PPFIA2: variants seen among roughly 807,000 people sequenced by gnomAD.
The protein encoded by PPFIA2 is PPFI scaffold protein A2.
PPFIA2 carries 46 observed loss-of-function variants against 175.5 expected under a neutral mutation model. The observed-to-expected ratio is 0.26, with a 90% CI of 0.21 to 0.34. The LOEUF (loss-of-function observed/expected upper bound fraction) is 0.34, where lower values mean the gene tolerates loss of function less well. Among genes scored for constraint, PPFIA2 ranks in the 10% least tolerant of loss-of-function variants. The pLI is 1.00. For missense variants in PPFIA2, 1,179 were observed against 1,506.1 expected (o/e 0.78, Z 3.60); for synonymous variants, 568 against 511.4 (o/e 1.11, Z -1.49).
At chr12:81,494,502 T>TA (rs1437254443) in intron 4 of PPFIA2, among the ~76,000 whole-genome samples, 2 of 151,942 alleles carry the variant, frequency 1.3e-5, no homozygotes, top group African/African-American at 2.4e-5. Flanking sequence ...GGTGGGACTG[T>TA]AAACTAGTTC....
chr12:81,628,718 A>G (rs1042410881), intron 4 of PPFIA2, among the ~76,000 whole-genome samples: 1 of 152,330 alleles, frequency 6.6e-6, no homozygotes, highest in Middle Eastern at 3.4e-3. Context: ...CTAGTTAGCA[A>G]GAACTGATTA....
chr12:81,443,765 G>T (rs979383076), intron 6 of PPFIA2, among the ~76,000 whole-genome samples: 3 of 150,880 alleles, frequency 2.0e-5, no homozygotes, highest in Non-Finnish European at 4.4e-5. Flanking sequence ...TTTCTGTGTG[G>T]GTCCTGCTGC....
chr12:81,522,697 T>G (rs537706218), intron 4 of PPFIA2, among the ~76,000 whole-genome samples: 1 of 152,352 alleles, frequency 6.6e-6, no homozygotes, highest in African/African-American at 2.4e-5. Flanking sequence ...GCCGTCCAAA[T>G]TTTTCCTCAG....
At chr12:81,293,584 T>C (rs754817914) in intron 24 of PPFIA2, among the ~76,000 whole-genome samples, 1 of 151,078 alleles carries the variant, frequency 6.6e-6, no homozygotes, top group Non-Finnish European at 1.5e-5. Flanking sequence ...TAAAACCAAG[T>C]GAGATACCAT....
intron 4 of PPFIA2, among the ~76,000 whole-genome samples, chr12:81,636,391 G>C (rs1458892375): frequency 1.3e-5 from 2 of 148,208 alleles, no homozygotes; most frequent in African/African-American, 2.5e-5. Context: ...TCAGCCTCCC[G>C]AGTAGCTGGG....
In PPFIA2 at chr12:81,676,853, G is replaced by T. The variant is rs141551545; in HGVS notation, c.250-9C>A. 17 of 1,575,798 alleles carry T rather than the reference G, an allele frequency of 1.1e-5. No individual in the cohort carries two copies. The highest frequency in any genetic ancestry group is 1.3e-5 in the Non-Finnish European group (15 of 1,161,804). On this transcript the variant is annotated splice_polypyrimidine_tract_variant and intron_variant, in intron 3 of 32. Transcript: ENST00000549396. ...GTTAGGGATTCGATATCCTGAAAAG[G>T]GGAGAGGTGTTGATTGTAAAGTGCT...
intron 3 of PPFIA2, among the ~76,000 whole-genome samples, chr12:81,732,991 T>C (rs2081118714): frequency 6.6e-6 from 1 of 151,588 alleles, no homozygotes; most frequent in South Asian, 2.1e-4. Context: ...AAAATTAACT[T>C]AGAGCAGACC....
intron 14 of PPFIA2, 92 bp downstream of exon 14, chr12:81,367,016 A>AT (rs2033678563): frequency 7.7e-6 from 10 of 1,293,538 alleles, no homozygotes; most frequent in Non-Finnish European, 8.2e-6. Context: ...TACTAAAATT[A>AT]TTTTTTCAAA....
intron 4 of PPFIA2, among the ~76,000 whole-genome samples, chr12:81,515,104 C>A (rs1286824285): frequency 6.6e-6 from 1 of 151,802 alleles, no homozygotes; most frequent in Non-Finnish European, 1.5e-5. Flanking sequence ...TATTTTTACA[C>A]TGAAAAATGA....
At chr12:81,452,516 G>A (rs759358532) in intron 5 of PPFIA2, among the ~76,000 whole-genome samples, 1 of 152,154 alleles carries the variant, frequency 6.6e-6, no homozygotes, top group Admixed American at 6.5e-5. Context: ...TGAAATAGCT[G>A]TTGGGAGGGC....
chr12:81,554,618 A>G (rs1226044269), intron 4 of PPFIA2, among the ~76,000 whole-genome samples: 1 of 152,016 alleles, frequency 6.6e-6, no homozygotes, highest in Non-Finnish European at 1.5e-5. Context: ...TTCTGATCAG[A>G]TATTTGAAAA....
chr12:81,562,586 G>T (rs1427828931), intron 4 of PPFIA2, among the ~76,000 whole-genome samples: 1 of 151,932 alleles, frequency 6.6e-6, no homozygotes, highest in Admixed American at 6.6e-5. Context: ...GGTGGCTCAC[G>T]CCTGTAATCC....
intron 28 of PPFIA2, among the ~76,000 whole-genome samples, chr12:81,273,942 T>C (rs576759066): frequency 7.3e-5 from 11 of 150,970 alleles, no homozygotes; most frequent in African/African-American, 2.2e-4. Context: ...CTTTACTATA[T>C]AAGGAAATTT....
chr12:81,510,370 A>G (rs1223457956), intron 4 of PPFIA2, among the ~76,000 whole-genome samples: 3 of 152,022 alleles, frequency 2.0e-5, no homozygotes, highest in African/African-American at 7.2e-5. Context: ...TCACATAGAA[A>G]CTCAAACTCG....
At chr12:81,565,144 C>T (rs111881907) in intron 4 of PPFIA2, among the ~76,000 whole-genome samples, 17,999 of 152,124 alleles carry the variant, frequency 0.12, 1,128 homozygotes, top group Middle Eastern at 0.18. Flanking sequence ...ATCCCCTCCC[C>T]GATCCATGCT....
At chr12:81,295,981 TCTGC>T (rs1002244029) in intron 23 of PPFIA2, among the ~76,000 whole-genome samples, 8 of 149,526 alleles carry the variant, frequency 5.4e-5, no homozygotes, top group Non-Finnish European at 1.0e-4. Flanking sequence ...AGAATGAGAC[TCTGC>T]CTCAAAACGA....
At position 81,639,689 on chromosome 12, in the gene PPFIA2, T is replaced by C. The variant is rs571987963; in HGVS notation, c.303+37102A>G. Among the ~76,000 whole-genome samples the C allele has an allele frequency of 3.9e-5, 6 of 152,288 alleles. No homozygotes were observed. The South Asian group carries it at 1.0e-3, about 26-fold the overall frequency. Reference sequence around the variant, plus strand: ...ATAAAAGTTATAAATGTTTTCTTAATTGATAAACAATATCATCTTTCACAT... The same window carrying C: ...ATAAAAGTTATAAATGTTTTCTTAACTGATAAACAATATCATCTTTCACAT... On this transcript the variant is annotated intron_variant, in intron 4 of 32. Coordinates refer to ENST00000549396, the MANE Select transcript of PPFIA2 (RefSeq NM_003625.5).
At chr12:81,589,724 T>C (rs2058456222) in intron 4 of PPFIA2, among the ~76,000 whole-genome samples, 1 of 152,142 alleles carries the variant, frequency 6.6e-6, no homozygotes, top group Admixed American at 6.6e-5. Context: ...TTACTCCCTC[T>C]TTGCGTTATT....
At chr12:81,415,360 CCCAAATT>C (rs907581008) in intron 7 of PPFIA2, among the ~76,000 whole-genome samples, 1 of 144,934 alleles carries the variant, frequency 6.9e-6, no homozygotes, top group Non-Finnish European at 1.5e-5. Context: ...AACTTCCCAC[CCCAAATT>C]TGGCTGACTA....
Sources: allele counts gnomAD v4.1 joint callset (sites outside exome capture counted in the v4.1 genomes callset), GRCh38; gene constraint gnomAD v4.1.1; transcripts MANE v1.5; gene names NCBI Gene and HGNC (gene_info 2026-07-23, HGNC 2026-07-21).